Variants in ATP6V0A2 observed in about 807,000 individuals in gnomAD.
ATP6V0A2 encodes the protein ATPase H+ transporting V0 subunit a2.
ATP6V0A2 carries 58 observed loss-of-function variants against 104.4 expected under a neutral mutation model. That is an observed-to-expected ratio of 0.56 (90% CI 0.45 to 0.69). The LOEUF (loss-of-function observed/expected upper bound fraction) is 0.69, where lower values mean the gene tolerates loss of function less well. Ranked by LOEUF, ATP6V0A2 falls within the 30% of genes least tolerant of loss-of-function variation. The pLI is 0.00. For synonymous variants in ATP6V0A2, 376 were observed against 397.9 expected, an observed-to-expected ratio of 0.95 and a Z score of 0.65; for missense variants, 938 against 1,062.9, an observed-to-expected ratio of 0.88 and a Z score of 1.63.
At chr12:123,735,159 G>GTGTGTGTA (rs1555297433) in intron 7 of ATP6V0A2, among the ~76,000 whole-genome samples, 3 of 146,838 alleles carry the variant, frequency 2.0e-5, no homozygotes, top group Non-Finnish European at 4.5e-5. Context: ...GTGTGTGTGT[G>GTGTGTGTA]TGTGTGTCTG....
intron 19 of ATP6V0A2, 63 bp downstream of exon 19, chr12:123,757,049 C>T (rs935042252): frequency 1.1e-4 from 170 of 1,567,028 alleles, no homozygotes; most frequent in Non-Finnish European, 1.4e-4. Flanking sequence ...CCCACTGCCC[C>T]GCCCAACCAA....
chr12:123,757,682 C>T (rs373242684), intron 19 of ATP6V0A2, among the ~76,000 whole-genome samples: 5 of 152,060 alleles, frequency 3.3e-5, no homozygotes, highest in South Asian at 2.1e-4. Context: ...TACTTGTGCA[C>T]GTGCTTTTGT....
At chr12:123,736,977 T>C (rs1956560245) in intron 8 of ATP6V0A2, 82 bp from the exon 9 acceptor site, 2 of 1,339,164 alleles carry the variant, frequency 1.5e-6, no homozygotes, top group East Asian at 2.3e-5. Flanking sequence ...GGGGAGAAAG[T>C]CCTCTAAGGG....
Position 123,712,464 on chromosome 12 carries a change from G to T in ATP6V0A2, c.-102G>T. On this transcript the variant is annotated 5_prime_UTR_variant, in exon 1 of 20. In the 5' UTR this introduces an upstream ATG that the reference lacks. Transcript: ENST00000330342. ...AGTGCGGGGCCGCGGCCAGGCCACA[G>T]GAAGAGCTCGAGGCCCGGGCCGCAC... 1 of 695,012 alleles carries T rather than the reference G, an allele frequency of 1.4e-6. No homozygotes were observed. The highest frequency in any genetic ancestry group is 2.3e-5 in the South Asian group (1 of 42,926). 43.1% of individuals were successfully genotyped at this position (695,012 alleles called of 1,614,324 possible).
At chr12:123,722,126 G>A (rs183083637) in intron 2 of ATP6V0A2, among the ~76,000 whole-genome samples, 1 of 152,152 alleles carries the variant, frequency 6.6e-6, no homozygotes, top group Non-Finnish European at 1.5e-5. Flanking sequence ...AATAGAAGAG[G>A]TTGTTGTTTA....
At position 123,712,436 on chromosome 12, in the gene ATP6V0A2, C is replaced by G. The variant is rs1240768635; in HGVS notation, c.-130C>G. On this transcript the variant is annotated 5_prime_UTR_variant, in exon 1 of 20. Transcript: ENST00000330342. ...GGGCGGCCGCTGCAGTCTGGAGCCC[C>G]ATAGTGCGGGGCCGCGGCCAGGCCA... 2.0e-6 allele frequency: 1 copy of G among 512,806 alleles called. No homozygotes were observed. Among genetic ancestry groups the G allele is most frequent in the Non-Finnish European group, 3.2e-6 (1 of 312,800 alleles). The allele number at this position is 512,806 out of a possible 1,614,324, so 31.8% of individuals were successfully genotyped here.
chr12:123,722,509 A>G (rs1338155040), intron 3 of ATP6V0A2, 61 bp downstream of exon 3: 17 of 954,760 alleles, frequency 1.8e-5, no homozygotes. Flanking sequence ...TTACTTACTT[A>G]TTTCATGTTG....
At chr12:123,749,738 G>A (rs932019138) in intron 15 of ATP6V0A2, among the ~76,000 whole-genome samples, 40 of 152,294 alleles carry the variant, frequency 2.6e-4, no homozygotes, top group African/African-American at 7.2e-4. Context: ...ACGGATGCTG[G>A]TCCAGACATG....
At chr12:123,721,101 T>G (rs1956394868) in intron 2 of ATP6V0A2, 1 of 152,292 alleles carries the variant, frequency 6.6e-6, no homozygotes, top group Admixed American at 6.5e-5. Flanking sequence ...ACTTTTAGCC[T>G]AAGGAAAGGG....
intron 6 of ATP6V0A2, 25 bp downstream of exon 6, chr12:123,727,934 T>A (rs1333554069): frequency 6.2e-7 from 1 of 1,614,168 alleles, no homozygotes; most frequent in Admixed American, 1.7e-5. Context: ...CCATCACCTT[T>A]TAGCAATGAC....
intron 17 of ATP6V0A2, among the ~76,000 whole-genome samples, chr12:123,753,186 C>A (rs983931591): frequency 7.4e-6 from 1 of 135,698 alleles, no homozygotes; most frequent in Admixed American, 7.9e-5. Flanking sequence ...CTGCCTGAGT[C>A]CCCTGGACCG....
At chr12:123,748,550 T>C (rs992582544) in intron 14 of ATP6V0A2, 25 bp from the exon 15 acceptor site, 1 of 1,560,994 alleles carries the variant, frequency 6.4e-7, no homozygotes, top group African/African-American at 1.4e-5. Flanking sequence ...TGTTCGTGGG[T>C]TGATTGATTC....
chr12:123,747,736 A>C lies in ATP6V0A2; in HGVS notation c.1724+11A>C. ...AATATTTAACCACTTGTAAGTACAG[A>C]TTTTTTTTTAAGCAATATTTATAAA... On this transcript the variant is annotated intron_variant, in intron 14 of 19. Transcript: ENST00000330342. 1 of 1,523,334 alleles carries C rather than the reference A, an allele frequency of 6.6e-7. No homozygotes were observed. The highest frequency in any genetic ancestry group is 9.1e-7 in the Non-Finnish European group (1 of 1,099,448). The allele number at this position is 1,523,334 out of a possible 1,614,324, so 94.4% of individuals were successfully genotyped here.
intron 8 of ATP6V0A2, among the ~76,000 whole-genome samples, chr12:123,735,932 G>A (rs1956548509): frequency 6.6e-6 from 1 of 152,102 alleles, no homozygotes; most frequent in Non-Finnish European, 1.5e-5. Flanking sequence ...GAGTGCAGTG[G>A]CATAATCTCA....
intron 7 of ATP6V0A2, among the ~76,000 whole-genome samples, chr12:123,734,746 G>C (rs1377853538): frequency 6.6e-6 from 1 of 152,194 alleles, no homozygotes; most frequent in East Asian, 1.9e-4. Flanking sequence ...CAGGGTGGAG[G>C]GGGGTTTGGG....
intron 5 of ATP6V0A2, 36 bp downstream of exon 5, chr12:123,726,321 T>C: frequency 2.0e-6 from 3 of 1,472,688 alleles, no homozygotes; most frequent in Non-Finnish European, 2.9e-6. Flanking sequence ...GGCTTCATAC[T>C]GCCCTTCTTG....
At chr12:123,752,446 A>C (rs770152298) in intron 17 of ATP6V0A2, 44 bp downstream of exon 17, 1 of 1,607,074 alleles carries the variant, frequency 6.2e-7, no homozygotes, top group African/African-American at 1.3e-5. Flanking sequence ...ATAAGTAACC[A>C]AGCTTCCATA....
At chr12:123,756,761 G>A (rs1381436184) in intron 18 of ATP6V0A2, 54 bp from the exon 19 acceptor site, 1 of 1,600,728 alleles carries the variant, frequency 6.2e-7, no homozygotes, top group East Asian at 2.2e-5. Context: ...AGCTCACAGA[G>A]GGACCCACTG....
rs1452186928 is a variant in ATP6V0A2 at position 123,747,737 on chromosome 12, T to A, written c.1724+12T>A. The A allele has an allele frequency of 6.9e-7, 1 of 1,444,030 alleles. No homozygotes were observed. The highest frequency in any genetic ancestry group is 9.7e-7 in the Non-Finnish European group (1 of 1,035,838). The allele number at this position is 1,444,030 out of a possible 1,614,324, so 89.5% of individuals were successfully genotyped here. The stretch of plus-strand genomic sequence containing the variant: ...ATATTTAACCACTTGTAAGTACAGA[T>A]TTTTTTTTAAGCAATATTTATAAAC... On this transcript the variant is annotated intron_variant, in intron 14 of 19. Coordinates refer to ENST00000330342, the MANE Select transcript of ATP6V0A2 (RefSeq NM_012463.4).
Sources: gnomAD v4.1 joint callset for allele counts (sites outside exome capture counted in the v4.1 genomes callset) on GRCh38, gnomAD v4.1.1 for gene constraint, MANE v1.5 for transcripts, NCBI Gene and HGNC (gene_info 2026-07-23, HGNC 2026-07-21) for gene names.